The following RSL24D1 variants were observed in gnomAD, a reference collection of about 807,000 sequenced individuals.
RSL24D1 encodes the protein probable ribosome biogenesis protein RLP24.
A neutral mutation model predicts 26.2 loss-of-function variants in RSL24D1; 6 were observed. That is an observed-to-expected ratio of 0.23 (90% confidence interval 0.13 to 0.45). RSL24D1 has a LOEUF of 0.45. Among genes scored for constraint, RSL24D1 ranks in the 20% least tolerant of loss-of-function variants. The pLI, the probability that RSL24D1 is intolerant of heterozygous loss-of-function variation, is 0.99. For synonymous variants in RSL24D1, 61 were observed against 59.1 expected (o/e 1.03, Z -0.15); for missense variants, 176 against 202.6 (o/e 0.87, Z 0.80).
At chr15:55,185,294 A>G in intron 4 of RSL24D1, 68 bp downstream of exon 4, 6 of 1,266,526 alleles carry the variant, frequency 4.7e-6, no homozygotes, top group Non-Finnish European at 6.5e-6. Flanking sequence ...TTTTTTAAAA[A>G]ATACTAATGC....
At chr15:55,183,532 G>T in intron 4 of RSL24D1, 132 bp from the exon 5 acceptor site, 1 of 650,542 alleles carries the variant, frequency 1.5e-6, no homozygotes, top group Non-Finnish European at 2.7e-6. Context: ...CATGATGGCT[G>T]CCCTTCTGTT....
Position 55,191,006 on chromosome 15 carries a change from G to C in RSL24D1, c.237C>G (p.Ile79Met). 1 of 1,604,508 alleles carries C rather than the reference G, an allele frequency of 6.2e-7. No homozygotes were observed. Among genetic ancestry groups the C allele is most frequent in the South Asian group, 1.1e-5 (1 of 89,336 alleles). ...FEFEKRRNEP[I>M]KYQRELWNKT... is the part of the protein sequence containing the mutation. ...TATTCCATAGCTCTCGCTGGTATTT[G>C]ATAGGTTCATTTCTACGTTTTTCAA... is the stretch of plus-strand genomic sequence containing the variant. The change falls in exon 3 of 6, where the codon ATC (isoleucine) becomes ATG (methionine). Residue 79 changes from isoleucine to methionine, a missense_variant. This residue lies in a region of RSL24D1 where 89 missense variants were observed against 135.1 expected (regional missense o/e 0.66). Transcript: ENST00000260443.
At position 55,183,227 on chromosome 15, in the gene RSL24D1, G is replaced by T. The variant is rs185265120; in HGVS notation, c.418+88C>A. 4,849 of 866,300 alleles carry T rather than the reference G, an allele frequency of 5.6e-3. 21 individuals are homozygous for T. Among genetic ancestry groups the T allele is most frequent in the Non-Finnish European group, 6.3e-3 (3,488 of 555,268 alleles). The allele number at this position is 866,300 out of a possible 1,614,324, so 53.7% of individuals were successfully genotyped here. On this transcript the variant is annotated intron_variant, in intron 5 of 5. Transcript: ENST00000260443. The stretch of plus-strand genomic sequence containing the variant: ...ATCATATCATAAATTTACTATGAAA[G>T]ATAATATTTATAGGAAAAAATACCC...
At chr15:55,184,675 T>C (rs1430952423) in intron 4 of RSL24D1, among the ~76,000 whole-genome samples, 3 of 152,108 alleles carry the variant, frequency 2.0e-5, no homozygotes, top group Admixed American at 6.6e-5. Flanking sequence ...GAAAACAAAA[T>C]AGTAATCTTC....
intron 2 of RSL24D1, among the ~76,000 whole-genome samples, chr15:55,191,762 T>C (rs1188977301): frequency 6.6e-6 from 1 of 152,222 alleles, no homozygotes; most frequent in East Asian, 1.9e-4. Context: ...AAAACAGCAC[T>C]ACCTCTGGAT....
intron 1 of RSL24D1, chr15:55,195,353 G>A (rs757242240): frequency 3.3e-5 from 5 of 152,152 alleles, no homozygotes; most frequent in Non-Finnish European, 5.9e-5. Context: ...AGGAGATTTA[G>A]GTTTGGAAAT....
chr15:55,194,029 T>A (rs1161254861), intron 1 of RSL24D1: 1 of 152,206 alleles, frequency 6.6e-6, no homozygotes, highest in Admixed American at 6.5e-5. Flanking sequence ...CTACTAGATA[T>A]CCCTTAGGCA....
Position 55,184,899 on chromosome 15 carries a change from G to A in RSL24D1, c.332+463C>T, listed in dbSNP as rs902838197. Reference sequence around the variant, plus strand: ...GTTCTATACAATAACTTGACCTATAGTCTTCAAAACTATCAATGTCACGTA... The same window carrying A: ...GTTCTATACAATAACTTGACCTATAATCTTCAAAACTATCAATGTCACGTA... On this transcript the variant is annotated intron_variant, in intron 4 of 5. Coordinates refer to ENST00000260443, the MANE Select transcript of RSL24D1 (RefSeq NM_016304.3). 3.3e-5 allele frequency among the ~76,000 whole-genome samples: 5 copies of A among 152,074 alleles called. No homozygotes were observed. The East Asian group carries it at 5.8e-4, about 18-fold the overall frequency.
chr15:55,188,455 G>A (rs181628099), intron 3 of RSL24D1, among the ~76,000 whole-genome samples: 4 of 152,110 alleles, frequency 2.6e-5, no homozygotes, highest in Admixed American at 2.0e-4. Context: ...GTATAAATGT[G>A]GGGGGCAAGA....
intron 1 of RSL24D1, among the ~76,000 whole-genome samples, chr15:55,193,298 C>A (rs1488145636): frequency 5.9e-5 from 9 of 152,168 alleles, no homozygotes; most frequent in African/African-American, 1.4e-4. Context: ...TCGTTTTCGA[C>A]TTACTCACAG....
chr15:55,185,354 A>G lies in RSL24D1; in HGVS notation c.332+8T>C. 1.3e-6 allele frequency: 2 copies of G among 1,599,158 alleles called. No homozygotes were observed. The highest frequency in any genetic ancestry group is 1.7e-6 in the Non-Finnish European group (2 of 1,173,158). On this transcript the variant is annotated splice_region_variant and intron_variant, in intron 4 of 5. Coordinates refer to ENST00000260443, the MANE Select transcript of RSL24D1 (RefSeq NM_016304.3). ...TTTCCAAAAGTTACTCCATACAAATATTCATACCTGTTCATTATAAATTTA... is the reference window on the plus strand; with the variant it reads ...TTTCCAAAAGTTACTCCATACAAATGTTCATACCTGTTCATTATAAATTTA...
intron 3 of RSL24D1, among the ~76,000 whole-genome samples, chr15:55,190,249 C>CAA (rs57254193): frequency 0.12 from 4,028 of 33,032 alleles, 225 homozygotes; most frequent in Non-Finnish European, 0.14. Context: ...CTTTCCAACT[C>CAA]AAAAAAAAAA....
intron 3 of RSL24D1, among the ~76,000 whole-genome samples, chr15:55,187,678 A>C (rs1894238070): frequency 6.6e-6 from 1 of 152,152 alleles, no homozygotes; most frequent in Non-Finnish European, 1.5e-5. Flanking sequence ...CTCACTTGTA[A>C]GCAGGGGCTA....
intron 4 of RSL24D1, among the ~76,000 whole-genome samples, chr15:55,184,619 T>C (rs957327415): frequency 1.3e-5 from 2 of 152,208 alleles, no homozygotes; most frequent in African/African-American, 4.8e-5. Context: ...ATAGGCTTTT[T>C]ACTGAATCTC....
At chr15:55,184,194 T>G (rs28710976) in intron 4 of RSL24D1, among the ~76,000 whole-genome samples, 1 of 151,984 alleles carries the variant, frequency 6.6e-6, no homozygotes, top group Admixed American at 6.6e-5. Flanking sequence ...CTGAAAAAAA[T>G]AGTTGATTCC....
chr15:55,183,726 A>G (rs1894194603), intron 4 of RSL24D1, among the ~76,000 whole-genome samples: 1 of 152,142 alleles, frequency 6.6e-6, no homozygotes, highest in South Asian at 2.1e-4. Context: ...GCCCTCACAA[A>G]TGTACATTTT....
chr15:55,196,076 G>C (rs1894352250), intron 1 of RSL24D1, among the ~76,000 whole-genome samples: 1 of 152,156 alleles, frequency 6.6e-6, no homozygotes, highest in South Asian at 2.1e-4. Context: ...ACAAATTCAT[G>C]TACCATTCAA....
intron 3 of RSL24D1, among the ~76,000 whole-genome samples, chr15:55,186,612 A>G (rs935396580): frequency 2.6e-5 from 4 of 152,232 alleles, no homozygotes; most frequent in Non-Finnish European, 5.9e-5. Flanking sequence ...ATCATGAAAT[A>G]TAAGGACAAA....
chr15:55,195,868 A>C (rs1038414425), intron 1 of RSL24D1, among the ~76,000 whole-genome samples: 1 of 152,214 alleles, frequency 6.6e-6, no homozygotes, highest in African/African-American at 2.4e-5. Flanking sequence ...GTAATTATTT[A>C]GCACGTCAAA....
Sources: allele counts gnomAD v4.1 joint callset (sites outside exome capture counted in the v4.1 genomes callset), GRCh38; gene constraint gnomAD v4.1.1; regional missense constraint gnomAD v4.1.1; transcripts MANE v1.5; gene names NCBI Gene and HGNC (gene_info 2026-07-23, HGNC 2026-07-21).